The following DMD variants were observed in gnomAD, a reference collection of about 807,000 sequenced individuals.
DMD encodes mutant dystrophin.
DMD carries 63 observed loss-of-function variants against 330.1 expected under a neutral mutation model. That is an observed-to-expected ratio of 0.19 (90% CI 0.16 to 0.24). DMD has a LOEUF of 0.24. Among genes scored for constraint, DMD ranks in the 10% least tolerant of loss-of-function variants. The pLI, the probability that DMD is intolerant of heterozygous loss-of-function variation, is 1.00. For synonymous variants in DMD, 1,223 were observed against 959.8 expected (o/e 1.27, Z -5.07); for missense variants, 3,344 against 2,684.1 (o/e 1.25, Z -5.43).
At chrX:31,854,025 A>C (rs1180882640) in intron 48 of DMD, among the ~76,000 whole-genome samples, 8 of 111,741 alleles carry the variant, frequency 7.2e-5, no homozygotes, top group African/African-American at 2.6e-4. Context: ...GGTGCTTCAG[A>C]GATTGCTACG....
chrX:33,149,491 G>A (rs959869868), intron 1 of DMD, among the ~76,000 whole-genome samples: 4 of 112,228 alleles, frequency 3.6e-5, no homozygotes, highest in African/African-American at 6.5e-5. Context: ...GATGGGTACC[G>A]GTGTGTGGCC....
chrX:32,462,840 T>A (rs1470501222), intron 25 of DMD, among the ~76,000 whole-genome samples: 4 of 110,656 alleles, frequency 3.6e-5, no homozygotes, highest in Non-Finnish European at 7.6e-5. Flanking sequence ...ACACCTGTAC[T>A]TCTAGCTACT....
chrX:32,966,151 G>T (rs1037512153), intron 2 of DMD, among the ~76,000 whole-genome samples: 1 of 111,637 alleles, frequency 9.0e-6, no homozygotes, highest in Non-Finnish European at 1.9e-5. Flanking sequence ...TATCTATTTA[G>T]ATCTAATTTG....
intron 44 of DMD, among the ~76,000 whole-genome samples, chrX:32,123,975 C>T (rs73619029): frequency 0.014 from 1,550 of 111,683 alleles, 17 homozygotes; most frequent in African/African-American, 0.048. Context: ...TGAGGTGATA[C>T]TTAAAAAATA....
At chrX:33,298,950 G>A (rs6631774) in intron 1 of DMD, among the ~76,000 whole-genome samples, 8,153 of 111,165 alleles carry the variant, frequency 0.073, 346 homozygotes, top group East Asian at 0.2. Flanking sequence ...GGACAGAAGC[G>A]GAACAGCTAT....
intron 2 of DMD, among the ~76,000 whole-genome samples, chrX:33,015,855 T>C (rs993624889): frequency 1.8e-5 from 2 of 111,330 alleles, no homozygotes; most frequent in Admixed American, 1.9e-4. Flanking sequence ...TGTGGACATA[T>C]ATGTTGCGGC....
chrX:32,904,701 G>A (rs1042948295), intron 2 of DMD, among the ~76,000 whole-genome samples: 29 of 111,912 alleles, frequency 2.6e-4, no homozygotes, highest in Non-Finnish European at 5.6e-5. Flanking sequence ...AGCCTCCCAA[G>A]TAGCTGGGAT....
chrX:33,203,045 G>A (rs1293759952), intron 1 of DMD, among the ~76,000 whole-genome samples: 1 of 111,466 alleles, frequency 9.0e-6, no homozygotes, highest in African/African-American at 3.3e-5. Flanking sequence ...TCTCTTTATT[G>A]TGATTCTGGC....
At chrX:32,893,100 A>G (rs1487516171) in intron 2 of DMD, among the ~76,000 whole-genome samples, 1 of 112,299 alleles carries the variant, frequency 8.9e-6, no homozygotes, top group Non-Finnish European at 1.9e-5. Flanking sequence ...CAGCTGCTAC[A>G]CTATGGTCTC....
At chrX:32,336,533 C>CCAGA (rs2097716520) in intron 41 of DMD, among the ~76,000 whole-genome samples, 1 of 111,715 alleles carries the variant, frequency 9.0e-6, no homozygotes, top group African/African-American at 3.3e-5. Flanking sequence ...CTTTTATGTT[C>CCAGA]CAGAAGCTGT....
chrX:31,926,692 A>T (rs1307811391), intron 47 of DMD, among the ~76,000 whole-genome samples: 1 of 111,445 alleles, frequency 9.0e-6, no homozygotes, highest in Non-Finnish European at 1.9e-5. Context: ...TAAATAAAAA[A>T]AAAAATAAAA....
chrX:33,206,869 A>ATT (rs61385575), intron 1 of DMD, among the ~76,000 whole-genome samples: 11 of 107,495 alleles, frequency 1.0e-4, no homozygotes, highest in Admixed American at 1.0e-4. Flanking sequence ...TTTTTATTTT[A>ATT]TTTTTTTTTA....
At chrX:32,354,514 C>G (rs1392564438) in intron 37 of DMD, among the ~76,000 whole-genome samples, 1 of 111,278 alleles carries the variant, frequency 9.0e-6, no homozygotes, top group Non-Finnish European at 1.9e-5. Flanking sequence ...TGGAAAGATA[C>G]TACATCTATG....
chrX:31,969,980 A>G (rs2095384676), intron 44 of DMD, among the ~76,000 whole-genome samples: 1 of 111,811 alleles, frequency 8.9e-6, no homozygotes. Flanking sequence ...GTTGCATGTG[A>G]CAGTCATTGC....
At chrX:31,421,988 T>TATATATACACACAC (rs2063442164) in intron 60 of DMD, among the ~76,000 whole-genome samples, 1 of 72,338 alleles carries the variant, frequency 1.4e-5, no homozygotes, top group East Asian at 6.1e-4. Context: ...TATATATATG[T>TATATATACACACAC]ATATATACAC....
chrX:31,571,610 G>A (rs1273883112), intron 55 of DMD, among the ~76,000 whole-genome samples: 1 of 111,047 alleles, frequency 9.0e-6, no homozygotes, highest in Non-Finnish European at 1.9e-5. Flanking sequence ...CTACAGTACT[G>A]CACATCACGG....
chrX:31,239,513 C>T (rs1199536295), intron 63 of DMD, among the ~76,000 whole-genome samples: 2 of 111,249 alleles, frequency 1.8e-5, no homozygotes, highest in East Asian at 5.6e-4. Context: ...GTCTTTTTCT[C>T]CCCAAGTGTG....
At chrX:31,977,447 G>C (rs868117938) in intron 44 of DMD, among the ~76,000 whole-genome samples, 1 of 111,075 alleles carries the variant, frequency 9.0e-6, no homozygotes. Context: ...ATACGATAAA[G>C]AGGGATCAAA....
intron 7 of DMD, among the ~76,000 whole-genome samples, chrX:32,783,583 A>G (rs1210839501): frequency 1.8e-5 from 2 of 110,596 alleles, no homozygotes; most frequent in South Asian, 7.6e-4. Context: ...ATTTATCTAT[A>G]TAACAAAAAT....
Sources: gnomAD v4.1 joint callset for allele counts (sites outside exome capture counted in the v4.1 genomes callset) on GRCh38, gnomAD v4.1.1 for gene constraint, MANE v1.5 for transcripts, NCBI Gene and HGNC (gene_info 2026-07-23, HGNC 2026-07-21) for gene names.